ACACB: variants seen among roughly 807,000 people sequenced by gnomAD.
The protein encoded by ACACB is acetyl-CoA carboxylase 2.
A neutral mutation model predicts 278.8 loss-of-function variants in ACACB; 209 were observed. That is an observed-to-expected ratio of 0.75 (90% CI 0.67 to 0.84). The LOEUF (loss-of-function observed/expected upper bound fraction) is 0.84. ACACB is among the 40% of genes least tolerant of loss of function. The pLI is 0.00. For synonymous variants in ACACB, 1,174 were observed against 1,285.6 expected (o/e 0.91, Z 1.86); for missense variants, 2,850 against 3,269.0 (o/e 0.87, Z 3.13).
In ACACB at chr12:109,212,900, T is replaced by A; in HGVS notation, c.3314T>A (p.Phe1105Tyr). 6.2e-7 allele frequency: 1 copy of A among 1,614,108 alleles called. No homozygotes were observed. Among genetic ancestry groups the A allele is most frequent in the Non-Finnish European group, 8.5e-7 (1 of 1,179,986 alleles). The change falls in exon 22 of 53, where the codon TTC (phenylalanine) becomes TAC (tyrosine). Residue 1105 changes from phenylalanine (F) to tyrosine (Y), a missense_variant. Physicochemically the swap from Phe to Tyr is conservative, Grantham distance 22. Coordinates refer to ENST00000338432, the MANE Select transcript of ACACB (RefSeq NM_001093.4). Reference protein sequence around the residue: ...LQRKADREVFFINTQSIVQLV... With the variant: ...LQRKADREVFYINTQSIVQLV... The stretch of plus-strand genomic sequence containing the variant: ...CGGAAGGCTGATCGAGAGGTCTTCT[T>A]CATCAACACCCAGAGCATCGTGCAG...
rs17848829 is a variant in ACACB at position 109,241,093 on chromosome 12, C to A, written c.4834C>A (p.Arg1612Ser). The A allele has an allele frequency of 5.9e-5, 95 of 1,614,050 alleles. 2 individuals carry two copies. The South Asian group carries it at 8.6e-4, about 15-fold the overall frequency. ...TTTGGGGCAGATCGAGGAGTCCGTG[C>A]GCTACATGGTTATGCGCTACGGCAG... ...MDPFKIEESV[R>S]YMVMRYGSRL... is the part of the protein sequence containing the mutation. Residue 1612 changes from arginine (R) to serine (S), a missense_variant, in exon 36 of 53, where the codon CGC becomes AGC. This residue lies in a region of ACACB where 2,265 missense variants were observed against 2,561.3 expected (regional missense o/e 0.88). Transcript: ENST00000338432.
intron 2 of ACACB, among the ~76,000 whole-genome samples, chr12:109,161,083 A>G (rs560771559): frequency 1.1e-4 from 17 of 152,248 alleles, no homozygotes; most frequent in African/African-American, 3.9e-4. Context: ...GATTAGTACA[A>G]CCTCTGTGGA....
At chr12:109,201,004 C>T (rs549989614) in intron 18 of ACACB, among the ~76,000 whole-genome samples, 8 of 152,294 alleles carry the variant, frequency 5.3e-5, no homozygotes, top group Non-Finnish European at 7.3e-5. Flanking sequence ...CTTGGGTGCC[C>T]AAGCTGTGAA....
chr12:109,171,726 A>G (rs771353727), intron 4 of ACACB, 79 bp from the exon 5 acceptor site: 12 of 1,060,932 alleles, frequency 1.1e-5, no homozygotes, highest in Non-Finnish European at 1.4e-5. Flanking sequence ...ATGGCTGTAC[A>G]TAGTCACATC....
intron 8 of ACACB, 22 bp downstream of exon 8, chr12:109,176,062 G>T (rs1193311357): frequency 6.2e-7 from 1 of 1,612,540 alleles, no homozygotes; most frequent in South Asian, 1.1e-5. Context: ...GCCTGTGGGG[G>T]CCAGGGGAGC....
intron 15 of ACACB, 97 bp downstream of exon 15, chr12:109,192,047 CA>C (rs2044911596): frequency 7.8e-7 from 1 of 1,279,924 alleles, no homozygotes; most frequent in Non-Finnish European, 1.1e-6. Flanking sequence ...AGTTAGTCAC[CA>C]GGCAATTGGT....
chr12:109,248,715 T>TC (rs2047015882), intron 40 of ACACB, among the ~76,000 whole-genome samples: 1 of 152,170 alleles, frequency 6.6e-6, no homozygotes, highest in Non-Finnish European at 1.5e-5. Flanking sequence ...GGTCTTCCTC[T>TC]CCCAGTCCAC....
intron 2 of ACACB, 97 bp downstream of exon 2, chr12:109,140,155 G>T: frequency 7.5e-7 from 1 of 1,334,938 alleles, no homozygotes; most frequent in Non-Finnish European, 9.9e-7. Context: ...GCTGTTTGCT[G>T]ATGCCAAAGC....
intron 2 of ACACB, among the ~76,000 whole-genome samples, chr12:109,146,821 C>T (rs910722777): frequency 3.3e-5 from 5 of 151,564 alleles, no homozygotes; most frequent in Admixed American, 2.6e-4. Context: ...ACTACAGGCA[C>T]GTGCCACCAC....
Position 109,139,995 on chromosome 12 carries a change from G to A in ACACB, c.590G>A (p.Gly197Glu), listed in dbSNP as rs2043062894. ...CGGAAGGGCAGCCGGGCCAGCTTGG[G>A]GGCCCTGTCCCTGGAGGCTTATCTG... Reference protein sequence around the residue: ...STRKGSRASLGALSLEAYLTT... With the variant: ...STRKGSRASLEALSLEAYLTT... Residue 197 changes from glycine to glutamate, a missense_variant, in exon 2 of 53, where the codon GGG becomes GAG. Around this residue, in one of 3 missense-constraint regions of ACACB, gnomAD observed 2,265 missense variants for 2,561.3 expected, o/e 0.88. Coordinates refer to ENST00000338432, the MANE Select transcript of ACACB (RefSeq NM_001093.4). The A allele has an allele frequency of 1.2e-6, 2 of 1,612,526 alleles. No homozygotes were observed. The highest frequency in any genetic ancestry group is 1.3e-5 in the African/African-American group (1 of 74,942).
chr12:109,186,196 G>A (rs971871721), intron 12 of ACACB, among the ~76,000 whole-genome samples: 1 of 152,176 alleles, frequency 6.6e-6, no homozygotes, highest in Non-Finnish European at 1.5e-5. Context: ...CTCCCAAAGT[G>A]TTGGGATTAC....
At position 109,253,171 on chromosome 12, in the gene ACACB, C is replaced by T; in HGVS notation, c.6045+13C>T. The T allele has an allele frequency of 1.3e-6, 2 of 1,537,574 alleles. No homozygotes were observed. Among genetic ancestry groups the T allele is most frequent in the African/African-American group, 1.4e-5 (1 of 73,550 alleles). ...CTATATGCCAAAGGTGCAGTACTCC[C>T]CCTGCAGCTTAGAACCTGGAAGACT... is the stretch of plus-strand genomic sequence containing the variant. On this transcript the variant is annotated intron_variant, in intron 43 of 52. Transcript: ENST00000338432.
Position 109,206,700 on chromosome 12 carries a change from G to A in ACACB, c.2914-10G>A. ...TTTCCTGACCTGTCGTTCTTGTGGTGTCTCATCAGGCTGAACCGTTCACAG... is the reference window on the plus strand; with the variant it reads ...TTTCCTGACCTGTCGTTCTTGTGGTATCTCATCAGGCTGAACCGTTCACAG... On this transcript the variant is annotated splice_polypyrimidine_tract_variant and intron_variant, in intron 19 of 52. Coordinates refer to ENST00000338432, the MANE Select transcript of ACACB (RefSeq NM_001093.4). 3 of 1,613,554 alleles carry A rather than the reference G, an allele frequency of 1.9e-6. No homozygotes were observed. The highest frequency in any genetic ancestry group is 2.5e-6 in the Non-Finnish European group (3 of 1,179,864).
Position 109,172,372 on chromosome 12 carries a change from A to G in ACACB, c.1117+16A>G, listed in dbSNP as rs1275683785. On this transcript the variant is annotated intron_variant, in intron 6 of 52. Transcript: ENST00000338432. The stretch of plus-strand genomic sequence containing the variant: ...GCTTTCTTAGGTAGAGTGTGTCCCC[A>G]TCAGATACATGGGAATTGGGGTATT... 6.2e-7 allele frequency: 1 copy of G among 1,612,388 alleles called. No individual in the cohort carries two copies. The highest frequency in any genetic ancestry group is 8.5e-7 in the Non-Finnish European group (1 of 1,178,524).
intron 1 of ACACB, among the ~76,000 whole-genome samples, chr12:109,126,714 G>A (rs201238110): frequency 6.8e-6 from 1 of 146,760 alleles, no homozygotes; most frequent in East Asian, 2.4e-4. Context: ...AAAATAAAAA[G>A]AAAGAAAAAA....
chr12:109,259,692 C>T (rs1452689242), intron 47 of ACACB, among the ~76,000 whole-genome samples: 1 of 152,142 alleles, frequency 6.6e-6, no homozygotes, highest in Non-Finnish European at 1.5e-5. Flanking sequence ...TGCCGGGTGA[C>T]CTGGGCAGGC....
Position 109,258,973 on chromosome 12 carries a change from A to G in ACACB, c.6361A>G (p.Ile2121Val), listed in dbSNP as rs2047305493. 12 of 1,613,992 alleles carry G rather than the reference A, an allele frequency of 7.4e-6. No individual in the cohort carries two copies. Among genetic ancestry groups the G allele is most frequent in the Non-Finnish European group, 9.3e-6 (11 of 1,180,006 alleles). ...TGATCCCCGCAGCTCTGTGTTCCAG[A>G]TAATTCAGCAGGCAGGACAGGTGTG... Reference protein sequence around the residue: ...DPANLDSEAKIIQQAGQVWFP... With the variant: ...DPANLDSEAKVIQQAGQVWFP... The change falls in exon 47 of 53, where the codon ATA becomes GTA. Residue 2121 changes from isoleucine (I) to valine (V), a missense_variant and splice_region_variant. Physicochemically the swap from Ile to Val is conservative, Grantham distance 29. Transcript: ENST00000338432.
At chr12:109,165,735 A>G (rs966752678) in intron 2 of ACACB, among the ~76,000 whole-genome samples, 4 of 152,178 alleles carry the variant, frequency 2.6e-5, no homozygotes, top group African/African-American at 4.8e-5. Flanking sequence ...GTAGACTTCT[A>G]TGGTATTGAC....
chr12:109,152,048 G>A (rs1278225916), intron 2 of ACACB, among the ~76,000 whole-genome samples: 1 of 152,182 alleles, frequency 6.6e-6, no homozygotes, highest in Non-Finnish European at 1.5e-5. Context: ...CCATCTAAAT[G>A]AAATCCCTTA....
Sources: gnomAD v4.1 joint callset for allele counts (sites outside exome capture counted in the v4.1 genomes callset) on GRCh38, gnomAD v4.1.1 for gene constraint, gnomAD v4.1.1 regional missense constraint, MANE v1.5 for transcripts, NCBI Gene and HGNC (gene_info 2026-07-23, HGNC 2026-07-21) for gene names.